The following TRHDE variants were observed in gnomAD, a reference collection of about 807,000 sequenced individuals.
TRHDE encodes the protein thyrotropin releasing hormone degrading enzyme, also known as thyrotropin-releasing hormone-degrading ectoenzyme.
A neutral mutation model predicts 125.7 loss-of-function variants in TRHDE; 72 were observed. The ratio of observed to expected loss-of-function variants is 0.57; its 90% CI spans 0.47 to 0.70. The LOEUF is 0.70. Among genes scored for constraint, TRHDE ranks in the 30% least tolerant of loss-of-function variants. The pLI is 0.00. For synonymous variants in TRHDE, 509 were observed against 509.1 expected, an observed-to-expected ratio of 1.00 and a Z score of 0.00; for missense variants, 1,110 against 1,327.1, an observed-to-expected ratio of 0.84 and a Z score of 2.54.
At chr12:72,559,865 T>G (rs1870094442) in intron 7 of TRHDE, among the ~76,000 whole-genome samples, 1 of 152,152 alleles carries the variant, frequency 6.6e-6, no homozygotes, top group Non-Finnish European at 1.5e-5. Flanking sequence ...TTCTATAGCT[T>G]CAGTCATGGA....
chr12:72,390,279 T>A (rs1342649211), intron 3 of TRHDE, among the ~76,000 whole-genome samples: 2 of 152,234 alleles, frequency 1.3e-5, no homozygotes, highest in Non-Finnish European at 2.9e-5. Context: ...GTAATAATCC[T>A]CTTCATGGAG....
At chr12:72,617,720 C>T (rs1333549556) in intron 12 of TRHDE, among the ~76,000 whole-genome samples, 1 of 152,036 alleles carries the variant, frequency 6.6e-6, no homozygotes, top group Non-Finnish European at 1.5e-5. Context: ...TTCTGGAGGC[C>T]GGGGAGTCCA....
intron 2 of TRHDE, among the ~76,000 whole-genome samples, chr12:72,157,244 A>G (rs963370829): frequency 9.2e-5 from 14 of 152,124 alleles, no homozygotes; most frequent in African/African-American, 3.1e-4. Context: ...ACAGTGATAG[A>G]AGATGAAGAC....
chr12:72,344,251 T>C (rs1870212799), intron 2 of TRHDE, among the ~76,000 whole-genome samples: 1 of 152,164 alleles, frequency 6.6e-6, no homozygotes, highest in Admixed American at 6.5e-5. Flanking sequence ...GCATAATTAT[T>C]GTAATATTTC....
Position 72,525,296 on chromosome 12 carries a change from G to C in TRHDE, c.1723-16995G>C, listed in dbSNP as rs564587654. 8.3e-4 allele frequency among the ~76,000 whole-genome samples: 126 copies of C among 152,114 alleles called. 2 individuals are homozygous for C. Among genetic ancestry groups the C allele is most frequent in the Non-Finnish European group, 1.6e-3 (111 of 67,970 alleles). ...AAGAATAAAATAACTTTGTCCTTTA[G>C]ATATGTGCATTGTTTTTAAATTTTA... On this transcript the variant is annotated intron_variant, in intron 6 of 18. Coordinates refer to ENST00000261180, the MANE Select transcript of TRHDE (RefSeq NM_013381.3).
In TRHDE at chr12:72,431,005, CT is replaced by C. The variant is rs762250932; in HGVS notation, c.1316-38748del. Among the ~76,000 whole-genome samples the C allele has an allele frequency of 7.2e-5, 11 of 152,074 alleles. 1 individual carries two copies. Among genetic ancestry groups the C allele is most frequent in the Middle Eastern group, 6.8e-3 (2 of 294 alleles). ...CAAATTTATCTCTAAGCATTTTACT[CT>C]TTTTGATGTTATTGTAGATGGAATT... On this transcript the variant is annotated intron_variant, in intron 3 of 18. Transcript: ENST00000261180.
chr12:72,438,740 A>G (rs894607899), intron 3 of TRHDE, among the ~76,000 whole-genome samples: 3 of 150,932 alleles, frequency 2.0e-5, no homozygotes, highest in African/African-American at 7.3e-5. Context: ...TTTTTTGTTC[A>G]CTCTGTTATT....
chr12:72,346,317 A>G (rs573471385), intron 2 of TRHDE, among the ~76,000 whole-genome samples: 22 of 152,060 alleles, frequency 1.4e-4, no homozygotes, highest in African/African-American at 5.1e-4. Context: ...GAGGGTAGAG[A>G]CCTTTACTCA....
At chr12:72,343,038 G>C (rs1472913322) in intron 2 of TRHDE, among the ~76,000 whole-genome samples, 1 of 152,076 alleles carries the variant, frequency 6.6e-6, no homozygotes, top group Admixed American at 6.6e-5. Flanking sequence ...TATATAACTT[G>C]CACAAGGCTA....
At chr12:72,228,350 C>T (rs969447909) in intron 2 of TRHDE, among the ~76,000 whole-genome samples, 2 of 152,192 alleles carry the variant, frequency 1.3e-5, no homozygotes, top group African/African-American at 4.8e-5. Flanking sequence ...GGGGCTTGTA[C>T]CCTCTGAAGC....
At chr12:72,630,864 G>C (rs1446674397) in intron 15 of TRHDE, among the ~76,000 whole-genome samples, 1 of 142,922 alleles carries the variant, frequency 7.0e-6, no homozygotes, top group Non-Finnish European at 1.5e-5. Context: ...ATAATATATG[G>C]AAATTTCCCT....
At chr12:72,187,382 T>C (rs1315483302) in intron 2 of TRHDE, among the ~76,000 whole-genome samples, 1 of 145,542 alleles carries the variant, frequency 6.9e-6, no homozygotes, top group African/African-American at 2.6e-5. Context: ...ATTTGCCATT[T>C]GCAAGCTGGA....
At chr12:72,648,707 G>A (rs1874381528) in intron 15 of TRHDE, among the ~76,000 whole-genome samples, 1 of 152,006 alleles carries the variant, frequency 6.6e-6, no homozygotes, top group East Asian at 1.9e-4. Flanking sequence ...AACACTTTGG[G>A]AGGCCAAGGT....
chr12:72,385,949 A>C (rs1872392333), intron 3 of TRHDE, among the ~76,000 whole-genome samples: 1 of 152,202 alleles, frequency 6.6e-6, no homozygotes, highest in African/African-American at 2.4e-5. Context: ...AAACCAACAT[A>C]CAAGTGAATT....
At chr12:72,630,660 T>G (rs577470368) in intron 15 of TRHDE, among the ~76,000 whole-genome samples, 1 of 151,944 alleles carries the variant, frequency 6.6e-6, no homozygotes, top group South Asian at 2.1e-4. Context: ...AAATTAAATT[T>G]TTCACTTTAA....
At chr12:72,175,259 T>G (rs1195318001) in intron 2 of TRHDE, among the ~76,000 whole-genome samples, 1 of 152,236 alleles carries the variant, frequency 6.6e-6, no homozygotes, top group Non-Finnish European at 1.5e-5. Flanking sequence ...TTCGTTCTTC[T>G]GTGACTGACT....
intron 2 of TRHDE, among the ~76,000 whole-genome samples, chr12:72,108,823 C>G (rs1875248741): frequency 6.6e-6 from 1 of 152,050 alleles, no homozygotes; most frequent in South Asian, 2.1e-4. Context: ...CAAAGAAACA[C>G]AAACACACGA....
chr12:72,250,382 C>T (rs753560974), intron 2 of TRHDE, among the ~76,000 whole-genome samples: 8 of 152,120 alleles, frequency 5.3e-5, no homozygotes, highest in South Asian at 4.1e-4. Flanking sequence ...CTGAACACTA[C>T]GAAAAGCTGC....
chr12:72,616,080 C>CAGTT (rs1301280137), intron 12 of TRHDE, among the ~76,000 whole-genome samples: 1 of 152,100 alleles, frequency 6.6e-6, no homozygotes, highest in Non-Finnish European at 1.5e-5. Context: ...TTTTGGTGAG[C>CAGTT]AGTTAGCGAT....
Sources: gnomAD v4.1 joint callset for allele counts (sites outside exome capture counted in the v4.1 genomes callset) on GRCh38, gnomAD v4.1.1 for gene constraint, MANE v1.5 for transcripts, NCBI Gene and HGNC (gene_info 2026-07-23, HGNC 2026-07-21) for gene names.